TBC1D5: variants seen among roughly 807,000 people sequenced by gnomAD.
The protein encoded by TBC1D5 is TBC1 domain family, member 5.
A neutral mutation model predicts 100.3 loss-of-function variants in TBC1D5; 75 were observed. That is an observed-to-expected ratio of 0.75 (90% CI 0.62 to 0.91). The LOEUF (loss-of-function observed/expected upper bound fraction) is 0.91, where lower values mean the gene tolerates loss of function less well. TBC1D5 is among the 40% of genes least tolerant of loss of function. TBC1D5 has a pLI of 0.00. For missense variants in TBC1D5, 910 were observed against 942.4 expected, an observed-to-expected ratio of 0.97 and a Z score of 0.45; for synonymous variants, 323 against 325.6, an observed-to-expected ratio of 0.99 and a Z score of 0.09.
At chr3:17,169,375 T>C (rs1159656926) in intron 19 of TBC1D5, among the ~76,000 whole-genome samples, 2 of 152,222 alleles carry the variant, frequency 1.3e-5, no homozygotes, top group East Asian at 1.9e-4. Flanking sequence ...CTATTCTAAA[T>C]ATTTCCAAAA....
At chr3:17,342,467 T>C (rs911545283) in intron 13 of TBC1D5, among the ~76,000 whole-genome samples, 5 of 152,204 alleles carry the variant, frequency 3.3e-5, no homozygotes, top group Non-Finnish European at 5.9e-5. Flanking sequence ...GATGAACTCC[T>C]TGAGCTGTAT....
Position 17,522,072 on chromosome 3 carries a change from A to AAACAT in TBC1D5, c.-35-13472_-35-13468dup, listed in dbSNP as rs2096069322. Reference sequence around the variant, plus strand: ...GAGGCAAGAAAAATTCCAATTTCCCAAACATAACATATAAATATATATAGA... The same window carrying AAACAT: ...GAGGCAAGAAAAATTCCAATTTCCCAAACATAACATAACATATAAATATATATAGA... On this transcript the variant is annotated intron_variant, in intron 2 of 21. Transcript: ENST00000253692. Among the ~76,000 whole-genome samples, 11 of 152,222 alleles carry AAACAT rather than the reference A, an allele frequency of 7.2e-5. No individual in the cohort carries two copies. In the South Asian group the frequency reaches 2.3e-3, roughly 32 times the overall value.
intron 2 of TBC1D5, among the ~76,000 whole-genome samples, chr3:17,556,852 C>T (rs1019175399): frequency 6.6e-6 from 1 of 152,138 alleles, no homozygotes; most frequent in African/African-American, 2.4e-5. Flanking sequence ...TACTCACTGA[C>T]CACTTCTTTT....
chr3:17,492,701 A>T (rs1013314399), intron 3 of TBC1D5, among the ~76,000 whole-genome samples: 36 of 152,148 alleles, frequency 2.4e-4, no homozygotes, highest in African/African-American at 8.4e-4. Flanking sequence ...CTCCCAAAGT[A>T]CTGGGATTAC....
intron 15 of TBC1D5, among the ~76,000 whole-genome samples, chr3:17,260,481 G>A (rs543350961): frequency 1.3e-5 from 2 of 152,180 alleles, no homozygotes; most frequent in African/African-American, 4.8e-5. Context: ...CTTTCACTGA[G>A]GCCTATTTAA....
exon 22 of TBC1D5, chr3:17,158,109 G>GGT (rs1351126245): frequency 1.3e-5 from 2 of 152,214 alleles, no homozygotes; most frequent in Non-Finnish European, 2.9e-5. Context: ...ATACACTCAA[G>GGT]GTAAGGCAAA....
chr3:17,565,574 T>C (rs904407972), intron 2 of TBC1D5, among the ~76,000 whole-genome samples: 10 of 152,242 alleles, frequency 6.6e-5, no homozygotes, highest in African/African-American at 1.4e-4. Flanking sequence ...TCAATTGCTG[T>C]TTCTGTTGAC....
At chr3:17,582,941 T>C (rs974729002) in intron 2 of TBC1D5, among the ~76,000 whole-genome samples, 3 of 152,134 alleles carry the variant, frequency 2.0e-5, no homozygotes, top group African/African-American at 7.2e-5. Flanking sequence ...AACTGAATGA[T>C]AGTCTGAAAT....
chr3:17,618,624 C>A (rs897168548), intron 2 of TBC1D5, among the ~76,000 whole-genome samples: 1 of 152,226 alleles, frequency 6.6e-6, no homozygotes, highest in African/African-American at 2.4e-5. Flanking sequence ...GCCCCTCCCC[C>A]AGCCAGGCTG....
intron 2 of TBC1D5, among the ~76,000 whole-genome samples, chr3:17,553,394 A>G (rs1045580569): frequency 1.3e-5 from 2 of 152,190 alleles, no homozygotes; most frequent in South Asian, 2.1e-4. Flanking sequence ...CCCTCCACAC[A>G]TTGCTGAAAA....
chr3:17,557,812 A>G (rs2096531953), intron 2 of TBC1D5, among the ~76,000 whole-genome samples: 1 of 152,220 alleles, frequency 6.6e-6, no homozygotes, highest in Non-Finnish European at 1.5e-5. Context: ...GGACATAAAT[A>G]TCAGAAATTT....
In TBC1D5 at chr3:17,219,866, T is replaced by C. The variant is rs967287370; in HGVS notation, c.1589-5496A>G. Among the ~76,000 whole-genome samples the C allele has an allele frequency of 5.3e-5, 8 of 152,236 alleles. No individual in the cohort carries two copies. The South Asian group carries it at 1.7e-3, about 32-fold the overall frequency. ...TCCAGAGTTCTGAAAAAGTTTATTT[T>C]GATCATTTTTTGTCACTGTTCTTAT... is the stretch of plus-strand genomic sequence containing the variant. On this transcript the variant is annotated intron_variant, in intron 17 of 21. Coordinates refer to ENST00000253692, the Ensembl canonical transcript of TBC1D5.
chr3:17,422,607 C>T (rs1474138841), intron 4 of TBC1D5, among the ~76,000 whole-genome samples: 1 of 152,030 alleles, frequency 6.6e-6, no homozygotes, highest in African/African-American at 2.4e-5. Context: ...GGCTTTTGCC[C>T]TACTATCTCC....
intron 2 of TBC1D5, among the ~76,000 whole-genome samples, chr3:17,562,356 T>C (rs1394696878): frequency 6.6e-6 from 1 of 151,722 alleles, no homozygotes; most frequent in Non-Finnish European, 1.5e-5. Context: ...GTTAGAGAGA[T>C]TTTACCCAAC....
intron 1 of TBC1D5, among the ~76,000 whole-genome samples, chr3:17,643,082 C>T (rs2064681044): frequency 6.6e-6 from 1 of 152,056 alleles, no homozygotes. Context: ...CAGGATTCCA[C>T]ATTACCTTTA....
chr3:17,413,206 G>A (rs2093982808), intron 4 of TBC1D5, among the ~76,000 whole-genome samples: 1 of 152,160 alleles, frequency 6.6e-6, no homozygotes, highest in Non-Finnish European at 1.5e-5. Context: ...AAGATGAGTA[G>A]GTTTCATTTC....
intron 1 of TBC1D5, among the ~76,000 whole-genome samples, chr3:17,653,042 T>C (rs904406406): frequency 1.3e-5 from 2 of 152,170 alleles, no homozygotes; most frequent in African/African-American, 2.4e-5. Context: ...TGAACGAAGA[T>C]AGACACAAAA....
At chr3:17,312,375 A>C (rs559940708) in intron 13 of TBC1D5, among the ~76,000 whole-genome samples, 41 of 152,290 alleles carry the variant, frequency 2.7e-4, no homozygotes, top group African/African-American at 9.6e-4. Context: ...TATTTCAATT[A>C]GGTCTTTAAA....
At chr3:17,449,959 G>A (rs1050150052) in intron 3 of TBC1D5, among the ~76,000 whole-genome samples, 1 of 152,142 alleles carries the variant, frequency 6.6e-6, no homozygotes, top group East Asian at 1.9e-4. Flanking sequence ...AGCAGGGATC[G>A]GCAGACACCT....
Sources: gnomAD v4.1 joint callset for allele counts (sites outside exome capture counted in the v4.1 genomes callset) on GRCh38, gnomAD v4.1.1 for gene constraint, MANE v1.5 for transcripts, NCBI Gene and HGNC (gene_info 2026-07-23, HGNC 2026-07-21) for gene names.